The following OTUD7A variants were observed in gnomAD, a reference collection of about 807,000 sequenced individuals.
OTUD7A encodes the protein OTU deubiquitinase 7A.
Under a neutral mutation model 65.7 loss-of-function variants are expected in OTUD7A, and 12 were observed. That is an observed-to-expected ratio of 0.18 (90% confidence interval 0.12 to 0.30). OTUD7A has a LOEUF of 0.30. OTUD7A is among the 10% of genes least tolerant of loss of function. OTUD7A has a pLI of 1.00. For synonymous variants in OTUD7A, 641 were observed against 586.3 expected, an observed-to-expected ratio of 1.09 and a Z score of -1.35; for missense variants, 1,148 against 1,304.8, an observed-to-expected ratio of 0.88 and a Z score of 1.85.
chr15:31,492,483 C>T (rs1348806921), intron 10 of OTUD7A, among the ~76,000 whole-genome samples: 3 of 150,928 alleles, frequency 2.0e-5, no homozygotes, highest in Non-Finnish European at 4.4e-5. Flanking sequence ...GAGGCAGAGG[C>T]AGGAGAATCG....
At chr15:31,554,649 AAAAAT>A (rs1888432515) in intron 5 of OTUD7A, among the ~76,000 whole-genome samples, 1 of 152,144 alleles carries the variant, frequency 6.6e-6, no homozygotes, top group African/African-American at 2.4e-5. Context: ...TGCATTACAC[AAAAAT>A]GCCTCTGCCC....
intron 1 of OTUD7A, among the ~76,000 whole-genome samples, chr15:31,811,012 T>C (rs932373271): frequency 3.9e-5 from 6 of 152,084 alleles, no homozygotes; most frequent in East Asian, 1.9e-4. Flanking sequence ...GTGCCTTGCA[T>C]TGAAAGTCTC....
chr15:31,649,387 T>C (rs1315918573), intron 3 of OTUD7A, among the ~76,000 whole-genome samples: 1 of 152,188 alleles, frequency 6.6e-6, no homozygotes, highest in African/African-American at 2.4e-5. Context: ...GTGATTCCCA[T>C]CATTGCAGTG....
chr15:31,597,129 T>C (rs1889929318), intron 3 of OTUD7A, among the ~76,000 whole-genome samples: 1 of 152,056 alleles, frequency 6.6e-6, no homozygotes, highest in African/African-American at 2.4e-5. Context: ...AGTTTTGCCA[T>C]GTTGCCCAGG....
intron 1 of OTUD7A, among the ~76,000 whole-genome samples, chr15:31,778,479 C>T (rs897018513): frequency 6.6e-6 from 1 of 152,196 alleles, no homozygotes; most frequent in Non-Finnish European, 1.5e-5. Context: ...ATAGCACATG[C>T]TCTAGTTGAC....
At chr15:31,637,578 C>T (rs1159819945) in intron 3 of OTUD7A, among the ~76,000 whole-genome samples, 2 of 152,202 alleles carry the variant, frequency 1.3e-5, no homozygotes, top group Non-Finnish European at 2.9e-5. Flanking sequence ...TTTTATAAGG[C>T]TATAACTGCC....
intron 3 of OTUD7A, among the ~76,000 whole-genome samples, chr15:31,632,787 C>G (rs111762897): frequency 2.2e-5 from 3 of 135,494 alleles, no homozygotes; most frequent in Non-Finnish European, 4.6e-5. Flanking sequence ...TCGAGCTTCC[C>G]GGCTGCTTTG....
intron 1 of OTUD7A, among the ~76,000 whole-genome samples, chr15:31,694,624 C>T (rs1566977539): frequency 6.6e-6 from 1 of 152,068 alleles, no homozygotes; most frequent in Non-Finnish European, 1.5e-5. Flanking sequence ...CAACCCACCC[C>T]ACCTCCCCCA....
At chr15:31,504,797 A>C (rs963583285) in intron 8 of OTUD7A, among the ~76,000 whole-genome samples, 1 of 152,186 alleles carries the variant, frequency 6.6e-6, no homozygotes, top group Admixed American at 6.5e-5. Context: ...TGGGACTTCC[A>C]GAATGCAGGG....
chr15:31,517,249 T>G (rs1566897573), intron 8 of OTUD7A, among the ~76,000 whole-genome samples: 1 of 152,234 alleles, frequency 6.6e-6, no homozygotes, highest in Non-Finnish European at 1.5e-5. Context: ...GCTCTGGTAC[T>G]GGAACTCCAA....
chr15:31,532,547 C>T (rs975040571), intron 5 of OTUD7A, among the ~76,000 whole-genome samples: 1 of 150,594 alleles, frequency 6.6e-6, no homozygotes, highest in Admixed American at 6.6e-5. Flanking sequence ...AAAAAAAACA[C>T]ATATACAGAA....
At position 31,570,131 on chromosome 15, in the gene OTUD7A, T is replaced by C. The variant is rs1368563530; in HGVS notation, c.218A>G (p.Asn73Ser). ...YEQLRQVHTA[N>S]LPHVFNEGRG... is the part of the protein sequence containing the mutation. ...CCCTTCATTGAACACATGTGGCAGA[T>C]TGGCTGTGTGCACCTGGCGGAGCTG... The change falls in exon 4 of 13, where the codon AAT becomes AGT. Residue 73 changes from asparagine to serine, a missense_variant. Asn to Ser is a conservative substitution (Grantham distance 46). Coordinates refer to ENST00000307050, the MANE Select transcript of OTUD7A (RefSeq NM_001382637.1). The C allele has an allele frequency of 3.7e-6, 6 of 1,614,184 alleles. No homozygotes were observed. The highest frequency in any genetic ancestry group is 5.1e-6 in the Non-Finnish European group (6 of 1,180,024).
At chr15:31,657,681 C>T (rs867418723) in intron 1 of OTUD7A, among the ~76,000 whole-genome samples, 1 of 151,986 alleles carries the variant, frequency 6.6e-6, no homozygotes, top group East Asian at 1.9e-4. Flanking sequence ...ATTTCTTAAA[C>T]CTCACACTGC....
At chr15:31,622,224 A>G (rs1206918766) in intron 3 of OTUD7A, among the ~76,000 whole-genome samples, 1 of 152,128 alleles carries the variant, frequency 6.6e-6, no homozygotes, top group Non-Finnish European at 1.5e-5. Context: ...ACTTTGGTGA[A>G]TCTGACAATT....
intron 1 of OTUD7A, among the ~76,000 whole-genome samples, chr15:31,702,562 T>C (rs1254656771): frequency 6.6e-6 from 1 of 150,884 alleles, no homozygotes. Context: ...ATAGGACTTG[T>C]ATGCTGAACA....
intron 5 of OTUD7A, among the ~76,000 whole-genome samples, chr15:31,531,673 C>T (rs1205244407): frequency 1.3e-5 from 2 of 152,132 alleles, no homozygotes; most frequent in African/African-American, 2.4e-5. Context: ...AACCCGACCA[C>T]CACCCCTGCC....
chr15:31,730,007 C>T (rs908721960), intron 1 of OTUD7A, among the ~76,000 whole-genome samples: 12 of 152,108 alleles, frequency 7.9e-5, no homozygotes, highest in African/African-American at 2.9e-4. Context: ...GAAACCCTAG[C>T]CCCCCAGGGT....
rs768160345 is a variant in OTUD7A, at chr15:31,487,334, A to C, written c.1287-56T>G. On this transcript the variant is annotated intron_variant, in intron 11 of 12. Transcript: ENST00000307050. The surrounding 1 kb of genome is among the most constrained non-coding windows in gnomAD (Gnocchi z 6.0). ...GTCTGAGCTGGCCCTTATAGCACCC[A>C]GTCCACTTGCATGCCAGCTGTCCCA... 50 of 1,595,114 alleles carry C rather than the reference A, an allele frequency of 3.1e-5. No homozygotes were observed. The highest frequency in any genetic ancestry group is 5.0e-5 in the Admixed American group (3 of 59,580).
chr15:31,508,506 C>T (rs542855843), intron 8 of OTUD7A, among the ~76,000 whole-genome samples: 9 of 152,216 alleles, frequency 5.9e-5, no homozygotes, highest in Non-Finnish European at 1.3e-4. Context: ...CCCGCCACCA[C>T]GCTCGGCTAA....
Sources: allele counts gnomAD v4.1 joint callset (sites outside exome capture counted in the v4.1 genomes callset), GRCh38; gene constraint gnomAD v4.1.1; non-coding constraint Gnocchi (gnomAD v3.1); transcripts MANE v1.5; gene names NCBI Gene and HGNC (gene_info 2026-07-23, HGNC 2026-07-21).